The following AKAP12 variants were observed in gnomAD, a reference collection of about 807,000 sequenced individuals.
AKAP12 encodes A-kinase anchor protein 12.
In AKAP12, 32 loss-of-function variants were observed where a neutral mutation model predicts 79.9. The observed-to-expected ratio is 0.40, with a 90% confidence interval of 0.30 to 0.54. AKAP12 has a LOEUF of 0.54. AKAP12 is among the 20% of genes least tolerant of loss of function. The pLI, the probability that AKAP12 is intolerant of heterozygous loss-of-function variation, is 0.48. For missense variants in AKAP12, 2,074 were observed against 2,177.0 expected (o/e 0.95, Z 0.94); for synonymous variants, 808 against 857.0 (o/e 0.94, Z 1.00).
intron 2 of AKAP12, among the ~76,000 whole-genome samples, chr6:151,285,096 G>A (rs985767510): frequency 6.6e-6 from 1 of 152,234 alleles, no homozygotes; most frequent in African/African-American, 2.4e-5. Context: ...GAACGACAGA[G>A]TGGGGAGTGT....
chr6:151,348,680 T>TTGGGGGGGGGGGGGGGGG, intron 3 of AKAP12, 31 bp from the exon 4 acceptor site: 1 of 355,202 alleles, frequency 2.8e-6, no homozygotes. Context: ...TTTTCTCTTC[T>TTGGGGGGGGGGGGGGGGG]CCCCACCCCC....
intron 3 of AKAP12, among the ~76,000 whole-genome samples, chr6:151,336,269 CTT>C (rs1308811354): frequency 1.3e-5 from 2 of 152,172 alleles, no homozygotes; most frequent in African/African-American, 4.8e-5. Flanking sequence ...TTTTATCTCT[CTT>C]GGGTAGATGC....
At chr6:151,242,714 A>G (rs1797001669) in intron 2 of AKAP12, among the ~76,000 whole-genome samples, 2 of 152,126 alleles carry the variant, frequency 1.3e-5, no homozygotes, top group Admixed American at 1.3e-4. Context: ...GGCACCATGG[A>G]CCCGTCCCAG....
At chr6:151,348,587 C>G in intron 3 of AKAP12, 124 bp from the exon 4 acceptor site, 1 of 719,220 alleles carries the variant, frequency 1.4e-6, no homozygotes, top group Non-Finnish European at 2.3e-6. Context: ...TGCAGTGAGC[C>G]GAGACCACAC....
intron 2 of AKAP12, among the ~76,000 whole-genome samples, chr6:151,294,871 G>A (rs545892680): frequency 4.6e-5 from 7 of 152,160 alleles, no homozygotes; most frequent in African/African-American, 1.2e-4. Context: ...TTAGTTATGG[G>A]GAATGTTAGT....
chr6:151,332,045 T>TTG (rs1410417691), intron 3 of AKAP12, among the ~76,000 whole-genome samples: 1 of 144,592 alleles, frequency 6.9e-6, no homozygotes, highest in African/African-American at 2.6e-5. Context: ...TTTTTTTTTT[T>TTG]TTTTTTTTTG....
intron 2 of AKAP12, among the ~76,000 whole-genome samples, chr6:151,296,919 A>C (rs552655105): frequency 6.6e-5 from 10 of 152,134 alleles, no homozygotes; most frequent in African/African-American, 2.4e-4. Context: ...CAGTGGAATA[A>C]TCCATTTCTG....
chr6:151,293,149 T>C lies in AKAP12; in HGVS notation c.163-12598T>C, dbSNP rs185488166. On this transcript the variant is annotated intron_variant, in intron 2 of 4. Transcript: ENST00000402676. ...CAGTGGATTTCAAAACATTTGGTAT[T>C]ATCAGATTTCTAAGCAAGGATGTGA... Among the ~76,000 whole-genome samples the C allele has an allele frequency of 4.8e-4, 73 of 152,350 alleles. 1 individual carries two copies. The highest frequency in any genetic ancestry group is 1.6e-3 in the Admixed American group (24 of 15,300).
intron 3 of AKAP12, among the ~76,000 whole-genome samples, chr6:151,337,654 G>T (rs1278905668): frequency 6.6e-6 from 1 of 151,976 alleles, no homozygotes; most frequent in Non-Finnish European, 1.5e-5. Context: ...ATTTTCCCTC[G>T]CTTGCTATAT....
At chr6:151,250,897 C>T (rs754930596) in intron 2 of AKAP12, among the ~76,000 whole-genome samples, 2 of 152,034 alleles carry the variant, frequency 1.3e-5, no homozygotes, top group African/African-American at 4.8e-5. Context: ...TGAGCCACTG[C>T]GCCCGGCCAA....
At position 151,312,388 on chromosome 6, in the gene AKAP12, G is replaced by A. The variant is rs140040276; in HGVS notation, c.319+6485G>A. 2.1e-3 allele frequency among the ~76,000 whole-genome samples: 327 copies of A among 152,122 alleles called. 1 individual carries two copies. The highest frequency in any genetic ancestry group is 7.4e-3 in the African/African-American group (306 of 41,494). ...CTTGGGAGGCTAAGGTGGGAGGATC[G>A]CTTGACTTGAGCCCAGGAGTTTGAG... is the stretch of plus-strand genomic sequence containing the variant. On this transcript the variant is annotated intron_variant, in intron 3 of 4. Transcript: ENST00000402676.
In AKAP12 at chr6:151,275,491, A is replaced by G. The variant is rs552070120; in HGVS notation, c.163-30256A>G. 7.9e-5 allele frequency among the ~76,000 whole-genome samples: 12 copies of G among 152,354 alleles called. No individual in the cohort carries two copies. The South Asian group carries it at 1.7e-3, about 21-fold the overall frequency. On this transcript the variant is annotated intron_variant, in intron 2 of 4. Transcript: ENST00000402676. ...AATCTACCCTCCAAGAAGGTGGTCA[A>G]CAAAACAGCGTGACTGAGACCTTCA...
intron 1 of AKAP12, 56 bp from the exon 2 acceptor site, chr6:151,240,328 G>T (rs1233293644): frequency 2.5e-6 from 1 of 396,876 alleles, no homozygotes; most frequent in African/African-American, 2.1e-5. Context: ...AAAAACCGGG[G>T]GGAGGGGGGC....
intron 4 of AKAP12, among the ~76,000 whole-genome samples, chr6:151,354,594 G>A (rs938160659): frequency 6.6e-6 from 1 of 151,650 alleles, no homozygotes; most frequent in Non-Finnish European, 1.5e-5. Context: ...AGGAGGTCTC[G>A]ATCTCCTGAC....
intron 3 of AKAP12, chr6:151,319,670 C>T (rs924596093): frequency 7.6e-5 from 12 of 157,018 alleles, no homozygotes; most frequent in Non-Finnish European, 1.5e-4. Context: ...GAGGTCACCC[C>T]ACTGATTGCC....
intron 2 of AKAP12, among the ~76,000 whole-genome samples, chr6:151,282,750 G>A (rs777786633): frequency 6.6e-6 from 1 of 152,046 alleles, no homozygotes; most frequent in South Asian, 2.1e-4. Flanking sequence ...CTTGTCTATT[G>A]GTTGAATAAT....
intron 3 of AKAP12, among the ~76,000 whole-genome samples, chr6:151,340,091 A>G (rs1269796445): frequency 6.6e-6 from 1 of 151,788 alleles, no homozygotes; most frequent in South Asian, 2.1e-4. Flanking sequence ...ATGCCCGGCT[A>G]ATTTTTGTTT....
intron 2 of AKAP12, among the ~76,000 whole-genome samples, chr6:151,298,544 A>G (rs551109118): frequency 3.3e-5 from 5 of 152,214 alleles, no homozygotes; most frequent in Non-Finnish European, 1.5e-5. Context: ...CTGTAATCCC[A>G]ACACTTTGGG....
chr6:151,348,627 A>C, intron 3 of AKAP12, 84 bp from the exon 4 acceptor site: 3 of 982,900 alleles, frequency 3.1e-6, no homozygotes, highest in Non-Finnish European at 3.0e-6. Flanking sequence ...CAAGAGAGTG[A>C]GGCCCTGTCG....
Sources: allele counts gnomAD v4.1 joint callset (sites outside exome capture counted in the v4.1 genomes callset), GRCh38; gene constraint gnomAD v4.1.1; transcripts MANE v1.5; gene names NCBI Gene and HGNC (gene_info 2026-07-23, HGNC 2026-07-21).